Variants in PASK observed in about 807,000 individuals in gnomAD.
PASK encodes the protein PAS domain-containing serine/threonine-protein kinase.
Under a neutral mutation model 121.0 loss-of-function variants are expected in PASK, and 110 were observed. The ratio of observed to expected loss-of-function variants is 0.91; its 90% CI spans 0.78 to 1.06. The LOEUF (loss-of-function observed/expected upper bound fraction) is 1.06. Ranked by LOEUF, PASK falls within the 50% of genes least tolerant of loss-of-function variation. The probability of loss-of-function intolerance (pLI) is 0.00; values close to 1 mark genes in which losing one functional copy is unlikely to be tolerated. For synonymous variants in PASK, 686 were observed against 717.8 expected (o/e 0.96, Z 0.71); for missense variants, 1,643 against 1,702.3 (o/e 0.97, Z 0.61).
At chr2:241,143,604 T>C (rs1417132388) in intron 1 of PASK, among the ~76,000 whole-genome samples, 4 of 145,476 alleles carry the variant, frequency 2.7e-5, no homozygotes, top group African/African-American at 7.6e-5. Context: ...CATAGGAAGA[T>C]ATGGGAAAGA....
At chr2:241,118,320 C>T (rs2065460303) in intron 12 of PASK, among the ~76,000 whole-genome samples, 2 of 151,732 alleles carry the variant, frequency 1.3e-5, no homozygotes, top group South Asian at 4.2e-4. Context: ...CTTAAGGACA[C>T]ACTTAAGATA....
chr2:241,113,792 T>C, intron 14 of PASK: 1 of 985,510 alleles, frequency 1.0e-6, no homozygotes, highest in Non-Finnish European at 1.2e-6. Context: ...AAGCCAGGGC[T>C]GTTCCCAGGC....
In PASK at chr2:241,138,179, AC is replaced by A. The variant is rs199610016; in HGVS notation, c.742-93del. Reference sequence around the variant, plus strand: ...TCAATATGTTCAAGCCAAAAGCAAGACCCCAACATGACTTCTCCATCGGAAG... The same window carrying A: ...TCAATATGTTCAAGCCAAAAGCAAGACCCAACATGACTTCTCCATCGGAAG... On this transcript the variant is annotated intron_variant, in intron 5 of 17. Coordinates refer to ENST00000234040, the MANE Select transcript of PASK (RefSeq NM_015148.4). The A allele has an allele frequency of 1.3e-3, 1,731 of 1,355,056 alleles. 14 individuals are homozygous for A. The African/African-American group carries it at 0.02, about 16-fold the overall frequency. 83.9% of individuals were successfully genotyped at this position (1,355,056 alleles called of 1,614,324 possible). A position where few individuals can be genotyped will look rare whatever the true frequency, so the allele number is the denominator to read the frequency against.
chr2:241,109,693 CTGT>C, intron 15 of PASK: 1 of 152,292 alleles, frequency 6.6e-6, no homozygotes, highest in Non-Finnish European at 1.5e-5. Flanking sequence ...CGGATGAGAG[CTGT>C]AGGGGCTAGA....
In PASK at chr2:241,112,518, A is replaced by G. The variant is rs1418496222; in HGVS notation, c.3334-79T>C. 1 of 880,732 alleles carries G rather than the reference A, an allele frequency of 1.1e-6. No homozygotes were observed. The highest frequency in any genetic ancestry group is 1.8e-6 in the Non-Finnish European group (1 of 565,566). 54.6% of individuals were successfully genotyped at this position (880,732 alleles called of 1,614,324 possible). On this transcript the variant is annotated intron_variant, in intron 14 of 17. Transcript: ENST00000234040. The surrounding 1 kb of genome is among the most constrained non-coding windows in gnomAD (Gnocchi z 5.2). Reference sequence around the variant, plus strand: ...TGCATTTAAAATAAACTGGAACAAAAAAAAACACAAAGAAAAAATAAACCT... The same window carrying G: ...TGCATTTAAAATAAACTGGAACAAAGAAAAACACAAAGAAAAAATAAACCT...
rs775120867 is a variant in PASK, at chr2:241,127,042, C to T, written c.1873G>A (p.Asp625Asn). The T allele has an allele frequency of 1.9e-6, 3 of 1,614,028 alleles. No individual in the cohort carries two copies. The African/African-American group carries it at 4.0e-5, about 22-fold the overall frequency. Residue 625 changes from aspartate to asparagine, a missense_variant, in exon 10 of 18, where the codon GAC (aspartate) becomes AAC (asparagine). Coordinates refer to ENST00000234040, the MANE Select transcript of PASK (RefSeq NM_015148.4). Reference sequence around the variant, plus strand: ...ATCCCAGAGGGGCTGGGGGCCAAGTCCTGGCTTCGCCACCACAAGCCCCAT... The same window carrying T: ...ATCCCAGAGGGGCTGGGGGCCAAGTTCTGGCTTCGCCACCACAAGCCCCAT... ...SEWGLWWRSQ[D>N]LAPSPSGMAG...
Position 241,115,263 on chromosome 2 carries a change from G to C in PASK, c.3198+25C>G, listed in dbSNP as rs369163716. 67 of 1,613,996 alleles carry C rather than the reference G, an allele frequency of 4.2e-5. No homozygotes were observed. The South Asian group carries it at 7.1e-4, about 17-fold the overall frequency. On this transcript the variant is annotated intron_variant, in intron 13 of 17. Coordinates refer to ENST00000234040, the MANE Select transcript of PASK (RefSeq NM_015148.4). ...GACATTTGACATGAGCCAAGTTAGG[G>C]TATCTCTGAAGAGGAAACCATCACC...
chr2:241,137,801 C>T (rs1210337818), intron 6 of PASK, 152 bp downstream of exon 6: 1 of 810,060 alleles, frequency 1.2e-6, no homozygotes, highest in East Asian at 2.6e-5. Context: ...GGCCCTTGGT[C>T]AAGGCCTCAG....
At position 241,136,181 on chromosome 2, in the gene PASK, T is replaced by C. The variant is rs2066420325; in HGVS notation, c.1138-142A>G. ...AGGTCAGGAAAGGCCTCGGGCCAAA[T>C]GCCCTTCGACGCACCTGAAGCCCCT... On this transcript the variant is annotated intron_variant, in intron 7 of 17. Coordinates refer to ENST00000234040, the MANE Select transcript of PASK (RefSeq NM_015148.4). The C allele has an allele frequency of 7.1e-5, 54 of 756,810 alleles. 2 individuals carry two copies. The South Asian group carries it at 7.6e-4, about 11-fold the overall frequency. 46.9% of individuals were successfully genotyped at this position (756,810 alleles called of 1,614,324 possible). A position where few individuals can be genotyped will look rare whatever the true frequency, so the allele number is the denominator to read the frequency against.
intron 2 of PASK, among the ~76,000 whole-genome samples, chr2:241,142,050 C>T (rs2066725166): frequency 6.6e-6 from 1 of 152,182 alleles, no homozygotes; most frequent in African/African-American, 2.4e-5. Context: ...GAAGCCCACT[C>T]CCAAGGGCGC....
intron 1 of PASK, among the ~76,000 whole-genome samples, chr2:241,145,043 A>G (rs986515692): frequency 1.6e-4 from 24 of 152,088 alleles, no homozygotes; most frequent in Admixed American, 1.3e-4. Flanking sequence ...CCTCCCGAGT[A>G]GCTGGGACTA....
intron 12 of PASK, among the ~76,000 whole-genome samples, chr2:241,119,159 A>C (rs894878654): frequency 3.3e-5 from 5 of 152,254 alleles, no homozygotes; most frequent in Admixed American, 2.6e-4. Context: ...GTGGGTCAGA[A>C]GCGATCACCC....
chr2:241,140,917 T>A (rs1281848115), intron 2 of PASK, 164 bp from the exon 3 acceptor site: 13 of 666,308 alleles, frequency 2.0e-5, no homozygotes, highest in Non-Finnish European at 3.3e-5. Flanking sequence ...TGTCTGAACA[T>A]GGTCCCCAGA....
Position 241,126,742 on chromosome 2 carries a change from C to T in PASK, c.2173G>A (p.Gly725Ser), listed in dbSNP as rs1349167304. 1 of 1,614,124 alleles carries T rather than the reference C, an allele frequency of 6.2e-7. No individual in the cohort carries two copies. The highest frequency in any genetic ancestry group is 8.5e-7 in the Non-Finnish European group (1 of 1,180,032). The change falls in exon 10 of 18, where the codon GGC becomes AGC. Residue 725 changes from glycine (G) to serine (S), a missense_variant. By Grantham distance (56) the Gly-to-Ser change is moderately conservative. Coordinates refer to ENST00000234040, the MANE Select transcript of PASK (RefSeq NM_015148.4). ...CYALATDLPG[G>S]LEAVEAQEVD... ...TCCTGGGCCTCCACTGCTTCCAGGC[C>T]CCCAGGGAGGTCCGTGGCCAAGGCA...
chr2:241,108,866 G>A lies in PASK; in HGVS notation c.3534-566C>T. On this transcript the variant is annotated intron_variant, in intron 15 of 17. Coordinates refer to ENST00000234040, the MANE Select transcript of PASK (RefSeq NM_015148.4). The surrounding 1 kb of genome is among the most constrained non-coding windows in gnomAD (Gnocchi z 5.2). ...AACAAGAAGGACGTGGTGAAGGTGG[G>A]TGTTCACACAGTGGGCCAAATGGAG... The A allele has an allele frequency of 5.0e-6, 1 of 200,830 alleles. No individual in the cohort carries two copies. Among genetic ancestry groups the A allele is most frequent in the Non-Finnish European group, 1.0e-5 (1 of 96,818 alleles). 12.4% of individuals were successfully genotyped at this position (200,830 alleles called of 1,614,324 possible).
chr2:241,106,334 A>G lies in PASK; in HGVS notation c.*232T>C. 1 of 583,770 alleles carries G rather than the reference A, an allele frequency of 1.7e-6. No individual in the cohort carries two copies. Among genetic ancestry groups the G allele is most frequent in the Admixed American group, 3.0e-5 (1 of 33,620 alleles). 36.2% of individuals were successfully genotyped at this position (583,770 alleles called of 1,614,324 possible). A position where few individuals can be genotyped will look rare whatever the true frequency, so the allele number is the denominator to read the frequency against. On this transcript the variant is annotated 3_prime_UTR_variant, in exon 18 of 18. Transcript: ENST00000234040. ...GCCCTTTAATAATATAAAACAGTTGAACACTGGAATGTTTTTTTCTAGGTC... is the reference window on the plus strand; with the variant it reads ...GCCCTTTAATAATATAAAACAGTTGGACACTGGAATGTTTTTTTCTAGGTC...
intron 14 of PASK, chr2:241,113,612 G>A: frequency 1.8e-6 from 1 of 556,644 alleles, no homozygotes; most frequent in Non-Finnish European, 2.3e-6. Flanking sequence ...GATCCAATCA[G>A]GAGACAGAAA....
chr2:241,142,761 G>A, intron 2 of PASK, 76 bp downstream of exon 2: 1 of 1,143,408 alleles, frequency 8.7e-7, no homozygotes, highest in Non-Finnish European at 1.3e-6. Context: ...TGGTGAGAGG[G>A]TTTCCATGAG....
rs770326619 is a variant in PASK at position 241,106,135 on chromosome 2, G to C, written c.*431C>G. The C allele has an allele frequency of 2.7e-5, 6 of 224,922 alleles. No individual in the cohort carries two copies. The highest frequency in any genetic ancestry group is 3.5e-5 in the Non-Finnish European group (4 of 112,908). 13.9% of individuals were successfully genotyped at this position (224,922 alleles called of 1,614,324 possible). ...TAACAAAGGTGCTTTAATTTGAAAA[G>C]CATTTGAGGAAATAAATTAATGAAA... On this transcript the variant is annotated 3_prime_UTR_variant, in exon 18 of 18. Coordinates refer to ENST00000234040, the MANE Select transcript of PASK (RefSeq NM_015148.4).
Sources: gnomAD v4.1 joint callset for allele counts (sites outside exome capture counted in the v4.1 genomes callset) on GRCh38, gnomAD v4.1.1 for gene constraint, Gnocchi (gnomAD v3.1) non-coding constraint, MANE v1.5 for transcripts, NCBI Gene and HGNC (gene_info 2026-07-23, HGNC 2026-07-21) for gene names.